CNTN1: variants seen among roughly 807,000 people sequenced by gnomAD.
CNTN1 encodes contactin-1.
In CNTN1, 38 loss-of-function variants were observed where a neutral mutation model predicts 126.4. The ratio of observed to expected loss-of-function variants is 0.30; its 90% CI spans 0.23 to 0.39. CNTN1 has a LOEUF of 0.39. CNTN1 is among the 10% of genes least tolerant of loss of function. CNTN1 has a pLI of 1.00. For missense variants in CNTN1, 1,009 were observed against 1,248.4 expected (o/e 0.81, Z 2.89); for synonymous variants, 413 against 422.6 (o/e 0.98, Z 0.28).
rs915662871 is a variant in CNTN1, at chr12:40,905,647, A to G, written c.-76-2710A>G. ...AATAAAATTAAAAATAAAAATAATA[A>G]TATGTCATCTAAGTTAATTTTTACA... On this transcript the variant is annotated intron_variant, in intron 1 of 23. Coordinates refer to ENST00000551295, the MANE Select transcript of CNTN1 (RefSeq NM_001843.4). 3.3e-5 allele frequency among the ~76,000 whole-genome samples: 5 copies of G among 152,168 alleles called. No homozygotes were observed. The East Asian group carries it at 7.7e-4, about 23-fold the overall frequency.
chr12:40,924,721 A>G (rs1945576455), intron 6 of CNTN1, 69 bp downstream of exon 6: 1 of 816,236 alleles, frequency 1.2e-6, no homozygotes, highest in African/African-American at 1.7e-5. Flanking sequence ...TTTTCTTAGT[A>G]ATAATGCTAC....
intron 1 of CNTN1, among the ~76,000 whole-genome samples, chr12:40,888,926 C>T (rs1944147979): frequency 6.6e-6 from 1 of 152,234 alleles, no homozygotes; most frequent in Non-Finnish European, 1.5e-5. Context: ...AGAACACAGC[C>T]TTGCTTCCCC....
chr12:40,991,828 AAAACAAAC>A (rs141511459), intron 16 of CNTN1, among the ~76,000 whole-genome samples: 2 of 151,884 alleles, frequency 1.3e-5, no homozygotes, highest in Non-Finnish European at 2.9e-5. Context: ...ACTCCGTCTC[AAAACAAAC>A]AAACAAACAA....
intron 1 of CNTN1, among the ~76,000 whole-genome samples, chr12:40,765,441 A>G (rs958134630): frequency 9.2e-5 from 14 of 152,312 alleles, no homozygotes; most frequent in African/African-American, 3.4e-4. Flanking sequence ...TGGACAGAGC[A>G]TTTAGCTAGA....
intron 1 of CNTN1, among the ~76,000 whole-genome samples, chr12:40,753,573 A>T (rs1938485993): frequency 6.6e-6 from 1 of 152,066 alleles, no homozygotes; most frequent in African/African-American, 2.4e-5. Context: ...GCCCCTTATA[A>T]AACCATGAGA....
intron 1 of CNTN1, among the ~76,000 whole-genome samples, chr12:40,722,240 T>C (rs1331392812): frequency 6.6e-6 from 1 of 152,196 alleles, no homozygotes; most frequent in African/African-American, 2.4e-5. Context: ...TGAACTCACT[T>C]GTTAGGATAA....
chr12:41,015,930 T>C (rs958796673), intron 18 of CNTN1, among the ~76,000 whole-genome samples: 2 of 152,158 alleles, frequency 1.3e-5, no homozygotes, highest in Non-Finnish European at 2.9e-5. Context: ...GCTTTAGAAT[T>C]GGAGATAGAA....
At chr12:40,921,000 A>G (rs1942930271) in intron 4 of CNTN1, among the ~76,000 whole-genome samples, 2 of 152,180 alleles carry the variant, frequency 1.3e-5, no homozygotes. Context: ...CCAACAAAGA[A>G]ACCCACTGTC....
intron 1 of CNTN1, among the ~76,000 whole-genome samples, chr12:40,815,317 C>T (rs1218820598): frequency 2.0e-5 from 3 of 151,776 alleles, no homozygotes; most frequent in African/African-American, 4.8e-5. Context: ...TGTGTTCTCT[C>T]ATTTGCTTGA....
At chr12:40,952,297 T>C (rs1445623997) in intron 14 of CNTN1, among the ~76,000 whole-genome samples, 4 of 152,114 alleles carry the variant, frequency 2.6e-5, no homozygotes, top group Non-Finnish European at 2.9e-5. Context: ...GTAGTGTTAC[T>C]TCTGGAACTC....
At position 41,067,196 on chromosome 12, in the gene CNTN1, A is replaced by T. The variant is rs370694792; in HGVS notation, c.2981-2763A>T. 1.2e-4 allele frequency among the ~76,000 whole-genome samples: 18 copies of T among 152,308 alleles called. No individual in the cohort carries two copies. The South Asian group carries it at 3.7e-3, about 32-fold the overall frequency. On this transcript the variant is annotated intron_variant, in intron 23 of 23. Transcript: ENST00000551295. ...TGAAGACCAAAATTACATAAGCTTG[A>T]GCCATTAGAGAAATTAAATATAACA...
chr12:41,012,457 G>T (rs1353116514), intron 17 of CNTN1, among the ~76,000 whole-genome samples: 1 of 152,190 alleles, frequency 6.6e-6, no homozygotes, highest in African/African-American at 2.4e-5. Context: ...TGATAGGAAA[G>T]TTGGAGATCT....
intron 6 of CNTN1, among the ~76,000 whole-genome samples, chr12:40,929,419 G>A (rs918298141): frequency 1.3e-5 from 2 of 151,596 alleles, no homozygotes; most frequent in African/African-American, 4.8e-5. Context: ...ATGCAGTTTG[G>A]CAGATTAATC....
intron 1 of CNTN1, among the ~76,000 whole-genome samples, chr12:40,794,227 A>G (rs1217597695): frequency 6.6e-6 from 1 of 152,106 alleles, no homozygotes; most frequent in Non-Finnish European, 1.5e-5. Context: ...GTATTGCTGA[A>G]GTGCTTTGAG....
intron 1 of CNTN1, among the ~76,000 whole-genome samples, chr12:40,823,334 T>A (rs1292757637): frequency 6.6e-6 from 1 of 152,232 alleles, no homozygotes; most frequent in Admixed American, 6.5e-5. Context: ...AGGCCTGAGC[T>A]ATGAAGTCAT....
At chr12:40,852,607 C>T (rs1277277614) in intron 1 of CNTN1, among the ~76,000 whole-genome samples, 1 of 151,880 alleles carries the variant, frequency 6.6e-6, no homozygotes, top group Admixed American at 6.6e-5. Context: ...GTCCCAATGG[C>T]ATTTTTTTTC....
chr12:40,755,916 T>G (rs897620586), intron 1 of CNTN1, among the ~76,000 whole-genome samples: 2 of 152,118 alleles, frequency 1.3e-5, no homozygotes. Context: ...AATACTAATC[T>G]AGAAGAATGG....
rs532069893 is a variant in CNTN1 at position 40,788,948 on chromosome 12, A to G, written c.-77+96356A>G. On this transcript the variant is annotated intron_variant, in intron 1 of 23. Coordinates refer to ENST00000551295, the MANE Select transcript of CNTN1 (RefSeq NM_001843.4). ...CTCGTGTTCGATATTCTTAATTTTT[A>G]ATTTAGATCTTCATTGCTATTTTTC... 2.6e-5 allele frequency among the ~76,000 whole-genome samples: 4 copies of G among 152,206 alleles called. 1 individual carries two copies. Among genetic ancestry groups the G allele is most frequent in the African/African-American group, 9.6e-5 (4 of 41,534 alleles).
intron 1 of CNTN1, among the ~76,000 whole-genome samples, chr12:40,707,055 CACACACACACA>C (rs1941769791): frequency 6.9e-5 from 1 of 14,456 alleles, no homozygotes; most frequent in African/African-American, 2.6e-4. Flanking sequence ...CGCACACACA[CACACACACACA>C]CACACACACA....
Sources: gnomAD v4.1 joint callset for allele counts (sites outside exome capture counted in the v4.1 genomes callset) on GRCh38, gnomAD v4.1.1 for gene constraint, MANE v1.5 for transcripts, NCBI Gene and HGNC (gene_info 2026-07-23, HGNC 2026-07-21) for gene names.